NPIPB2: variants seen among roughly 807,000 people sequenced by gnomAD.
NPIPB2 encodes nuclear pore complex interacting protein family member B2, also known as nuclear pore complex-interacting protein family member B2.
Under a neutral mutation model 30.8 loss-of-function variants are expected in NPIPB2, and 27 were observed. The observed-to-expected ratio is 0.88, with a 90% CI of 0.65 to 1.21. The LOEUF (loss-of-function observed/expected upper bound fraction) is 1.21. Ranked by LOEUF, NPIPB2 falls within the 50% of genes most tolerant of loss-of-function variation. NPIPB2 has a pLI of 0.00. For synonymous variants in NPIPB2, 147 were observed against 162.0 expected (o/e 0.91, Z 0.70); for missense variants, 440 against 446.2 (o/e 0.99, Z 0.13).
At chr16:11,973,534 C>G (rs1176476535) in intron 1 of NPIPB2, among the ~76,000 whole-genome samples, 2 of 152,136 alleles carry the variant, frequency 1.3e-5, no homozygotes, top group African/African-American at 4.8e-5. Context: ...AGAGTGAATA[C>G]CTATCCCTCA....
chr16:11,961,235 G>T (rs2055150576), intron 1 of NPIPB2, among the ~76,000 whole-genome samples: 1 of 152,016 alleles, frequency 6.6e-6, no homozygotes, highest in Non-Finnish European at 1.5e-5. Context: ...GTCTTCCAAA[G>T]GTCAGCAATC....
chr16:11,954,857 G>C (rs2150930975), intron 1 of NPIPB2, among the ~76,000 whole-genome samples: 2 of 147,966 alleles, frequency 1.4e-5, no homozygotes, highest in South Asian at 2.2e-4. Flanking sequence ...GCAGTGAGCT[G>C]AGATCACACC....
At chr16:11,967,327 G>C (rs368753231) in intron 1 of NPIPB2, among the ~76,000 whole-genome samples, 4 of 152,116 alleles carry the variant, frequency 2.6e-5, no homozygotes, top group African/African-American at 9.7e-5. Context: ...TTACTGAAAA[G>C]ATCTGTTTCA....
intron 1 of NPIPB2, among the ~76,000 whole-genome samples, chr16:11,956,491 C>T (rs1346618551): frequency 6.6e-6 from 1 of 152,128 alleles, no homozygotes; most frequent in Non-Finnish European, 1.5e-5. Context: ...GCCTGACCAA[C>T]ATGGTGAAAC....
intron 1 of NPIPB2, among the ~76,000 whole-genome samples, chr16:11,954,964 AT>A (rs2055097828): frequency 6.6e-6 from 1 of 152,180 alleles, no homozygotes; most frequent in African/African-American, 2.4e-5. Flanking sequence ...TTGATTAAAA[AT>A]AAATCCCTCA....
chr16:11,941,715 C>A (rs1161384733), intron 1 of NPIPB2: 2 of 749,372 alleles, frequency 2.7e-6, no homozygotes, highest in Non-Finnish European at 4.5e-6. Context: ...GGTGGTGCCT[C>A]ACAATGGACG....
exon 2 of NPIPB2, chr16:11,937,571 A>G: frequency 6.3e-7 from 1 of 1,599,478 alleles, no homozygotes; most frequent in Non-Finnish European, 8.5e-7. Flanking sequence ...GGTAAGGACA[A>G]CTTTATAACT....
At chr16:11,933,884 T>C (rs2054827898) in exon 3 of NPIPB2, 4 of 1,563,560 alleles carry the variant, frequency 2.6e-6, no homozygotes, top group Admixed American at 1.7e-5. Flanking sequence ...GGATACATCA[T>C]GTCCATTTTC....
Position 11,938,178 on chromosome 16 carries a change from C to T in NPIPB2, c.64-510G>A, listed in dbSNP as rs1229335434. ...AGATTACAGGTCTCTGCCACCATGC[C>T]CGACTAATTTTTGTATTTTTAGTAG... On this transcript the variant is annotated intron_variant, in intron 1 of 7. Coordinates refer to ENST00000399147, the Ensembl canonical transcript of NPIPB2. 7.9e-5 allele frequency among the ~76,000 whole-genome samples: 12 copies of T among 151,954 alleles called. No individual in the cohort carries two copies. The East Asian group carries it at 2.3e-3, about 29-fold the overall frequency.
chr16:11,933,987 C>T (rs2054829861), intron 2 of NPIPB2, 63 bp from the exon 3 acceptor site: 10 of 1,335,316 alleles, frequency 7.5e-6, no homozygotes, highest in Non-Finnish European at 8.4e-6. Context: ...AATCCCAGTA[C>T]TTTGGGAGGC....
In NPIPB2 at chr16:11,967,785, T is replaced by C. The variant is rs1369474998; in HGVS notation, c.-584+8783A>G. 1.9e-6 allele frequency: 3 copies of C among 1,614,198 alleles called. No individual in the cohort carries two copies. The highest frequency in any genetic ancestry group is 1.7e-5 in the Admixed American group (1 of 60,014). On this transcript the variant is annotated intron_variant, in intron 1 of 5. Transcript: ENST00000538896. ...TGTCACCACGAAAACGAATGACTAT[T>C]GCAAGAGCCTGCCAGCTGCTTTGAG...
chr16:11,976,053 C>G (rs1169287164), intron 1 of NPIPB2, among the ~76,000 whole-genome samples: 2 of 152,056 alleles, frequency 1.3e-5, no homozygotes, highest in African/African-American at 2.4e-5. Flanking sequence ...AGTGCTGGGA[C>G]CTTCCTAGAA....
intron 1 of NPIPB2, among the ~76,000 whole-genome samples, chr16:11,969,779 T>C (rs1266550411): frequency 6.6e-6 from 1 of 151,944 alleles, no homozygotes; most frequent in African/African-American, 2.4e-5. Context: ...AAAATGTGAG[T>C]GGTGCTATAA....
chr16:11,931,790 C>T (rs980827702), intron 4 of NPIPB2, among the ~76,000 whole-genome samples: 3 of 150,922 alleles, frequency 2.0e-5, no homozygotes, highest in African/African-American at 4.9e-5. Context: ...GAATATAAAA[C>T]CCATGATTGA....
chr16:11,961,088 C>G (rs1196761289), intron 1 of NPIPB2, among the ~76,000 whole-genome samples: 4 of 152,102 alleles, frequency 2.6e-5, no homozygotes, highest in African/African-American at 7.2e-5. Flanking sequence ...GCCTCAAACT[C>G]CTGACTTCAG....
At position 11,935,792 on chromosome 16, in the gene NPIPB2, C is replaced by G. The variant is rs1406755644; in HGVS notation, c.192+1748G>C. ...AGATTTCATAGGAAAGGTAGCTGGC[C>G]CAGTTTGGAGCTAGGGGAAATTTCA... is the stretch of plus-strand genomic sequence containing the variant. On this transcript the variant is annotated intron_variant, in intron 2 of 7. Coordinates refer to ENST00000399147, the Ensembl canonical transcript of NPIPB2. Among the ~76,000 whole-genome samples the G allele has an allele frequency of 7.1e-5, 8 of 112,688 alleles. No individual in the cohort carries two copies. The East Asian group carries it at 2.0e-3, about 28-fold the overall frequency. 73.9% of individuals were successfully genotyped at this position (112,688 alleles called of 152,430 possible). A position where few individuals can be genotyped will look rare whatever the true frequency, so the allele number is the denominator to read the frequency against.
intron 1 of NPIPB2, among the ~76,000 whole-genome samples, chr16:11,974,307 C>G (rs1445219138): frequency 6.6e-6 from 1 of 152,030 alleles, no homozygotes; most frequent in African/African-American, 2.4e-5. Flanking sequence ...CACCTGAGGT[C>G]AGGAGTTCAA....
At chr16:11,935,986 G>T (rs2054860799) in intron 2 of NPIPB2, among the ~76,000 whole-genome samples, 1 of 139,296 alleles carries the variant, frequency 7.2e-6, no homozygotes, top group Non-Finnish European at 1.5e-5. Context: ...TTTCCTAAGT[G>T]GAATTGTTAA....
intron 1 of NPIPB2, among the ~76,000 whole-genome samples, chr16:11,947,913 T>C (rs2055027737): frequency 6.7e-6 from 1 of 149,994 alleles, no homozygotes; most frequent in Non-Finnish European, 1.5e-5. Flanking sequence ...TAGGGACCAT[T>C]ACCTAATCAA....
Sources: allele counts gnomAD v4.1 joint callset (sites outside exome capture counted in the v4.1 genomes callset), GRCh38; gene constraint gnomAD v4.1.1; transcripts MANE v1.5; gene names NCBI Gene and HGNC (gene_info 2026-07-23, HGNC 2026-07-21).